RBM25: variants seen among roughly 807,000 people sequenced by gnomAD.
The protein encoded by RBM25 is RNA-binding protein 25.
RBM25 carries 19 observed loss-of-function variants against 120.7 expected under a neutral mutation model. The ratio of observed to expected loss-of-function variants is 0.16; its 90% CI spans 0.11 to 0.23. The LOEUF (loss-of-function observed/expected upper bound fraction) is 0.23, where lower values mean the gene tolerates loss of function less well. RBM25 is among the 10% of genes least tolerant of loss of function. The pLI, the probability that RBM25 is intolerant of heterozygous loss-of-function variation, is 1.00. For missense variants in RBM25, 605 were observed against 1,041.5 expected (o/e 0.58, Z 5.77); for synonymous variants, 390 against 326.7 (o/e 1.19, Z -2.09).
intron 4 of RBM25, among the ~76,000 whole-genome samples, chr14:73,082,526 A>G (rs990574360): frequency 1.3e-5 from 2 of 152,098 alleles, no homozygotes; most frequent in African/African-American, 2.4e-5. Flanking sequence ...CCTGGGCTCA[A>G]GCAATCCTTC....
chr14:73,120,583 G>A lies in RBM25; in HGVS notation c.*778G>A, dbSNP rs1195532141. The stretch of plus-strand genomic sequence containing the variant: ...GCTTCAGCTTCTCTTTTAAAGGAAT[G>A]TGGATCATAGTGATTTTTCCTTTTA... On this transcript the variant is annotated 3_prime_UTR_variant, in exon 19 of 19. Coordinates refer to ENST00000261973, the MANE Select transcript of RBM25 (RefSeq NM_021239.3). The A allele has an allele frequency of 3.3e-5, 5 of 152,292 alleles. No homozygotes were observed. Among genetic ancestry groups the A allele is most frequent in the African/African-American group, 1.2e-4 (5 of 41,442 alleles). The allele number at this position is 152,292 out of a possible 1,614,324, so 9.4% of individuals were successfully genotyped here.
At chr14:73,068,181 A>G (rs1566581269) in intron 1 of RBM25, 2 of 845,806 alleles carry the variant, frequency 2.4e-6, no homozygotes, top group South Asian at 2.6e-5. Flanking sequence ...GTCTCTTGAT[A>G]TGTGGAAAGC....
At chr14:73,114,434 G>A (rs981422796) in intron 18 of RBM25, 101 bp downstream of exon 18, 1 of 807,370 alleles carries the variant, frequency 1.2e-6, no homozygotes, top group Non-Finnish European at 1.9e-6. Context: ...GTTGCCCAGG[G>A]TAGTCTTAAA....
intron 5 of RBM25, 123 bp downstream of exon 5, chr14:73,083,674 C>T: frequency 1.7e-6 from 1 of 593,538 alleles, no homozygotes; most frequent in Non-Finnish European, 2.6e-6. Flanking sequence ...CACTCTTTGT[C>T]CTCTTTTTTA....
intron 10 of RBM25, among the ~76,000 whole-genome samples, chr14:73,105,396 C>T (rs1048508110): frequency 1.3e-5 from 2 of 152,180 alleles, no homozygotes; most frequent in African/African-American, 4.8e-5. Flanking sequence ...ATCCATGCAA[C>T]ATGTCAGAAT....
intron 9 of RBM25, chr14:73,101,235 A>G (rs1566596268): frequency 6.6e-6 from 1 of 152,276 alleles, no homozygotes; most frequent in Non-Finnish European, 1.5e-5. Context: ...TTGAAACTCC[A>G]GTAACAAAAA....
At position 73,060,918 on chromosome 14, in the gene RBM25, TAA is replaced by T. The variant is rs1283161548; in HGVS notation, c.-16+2214_-16+2215del. On this transcript the variant is annotated intron_variant, in intron 1 of 18. Coordinates refer to ENST00000261973, the MANE Select transcript of RBM25 (RefSeq NM_021239.3). Reference sequence around the variant, plus strand: ...TGATGCCCCTTAACCCATAAATACTTAAGTGTATTTTCTAAAAATTAGGACTA... The same window carrying T: ...TGATGCCCCTTAACCCATAAATACTTGTGTATTTTCTAAAAATTAGGACTA... Among the ~76,000 whole-genome samples the T allele has an allele frequency of 3.3e-5, 5 of 151,518 alleles. No homozygotes were observed. The Middle Eastern group carries it at 0.014, about 412-fold the overall frequency.
chr14:73,092,578 CT>C (rs72026442), intron 6 of RBM25, among the ~76,000 whole-genome samples: 3,131 of 136,158 alleles, frequency 0.023, 58 homozygotes, highest in African/African-American at 0.053. Context: ...ATTTTCTTGC[CT>C]TTTTTTTTTT....
intron 10 of RBM25, among the ~76,000 whole-genome samples, chr14:73,103,986 A>ACTCT (rs1566597544): frequency 6.8e-5 from 8 of 117,870 alleles, no homozygotes; most frequent in African/African-American, 2.8e-4. Context: ...ACACACACAC[A>ACTCT]CACACACACT....
chr14:73,088,624 G>T (rs1895741531), intron 6 of RBM25: 2 of 326,638 alleles, frequency 6.1e-6, no homozygotes, highest in Non-Finnish European at 1.2e-5. Flanking sequence ...TAAAATAAAG[G>T]ACATTGTTGT....
rs1209592511 is a variant in RBM25, at chr14:73,103,994, ACTCT to A, written c.1154+536_1154+539del. On this transcript the variant is annotated intron_variant, in intron 10 of 18. Transcript: ENST00000261973. The stretch of plus-strand genomic sequence containing the variant: ...CACACACACACACACACACACACAC[ACTCT>A]CTCTCTCTCTCTCTCTCTCACTATG... Among the ~76,000 whole-genome samples, 225 of 99,278 alleles carry A rather than the reference ACTCT, an allele frequency of 2.3e-3. 2 individuals carry two copies. The highest frequency in any genetic ancestry group is 3.5e-3 in the Non-Finnish European group (176 of 50,944). The allele number at this position is 99,278 out of a possible 152,430, so 65.1% of individuals were successfully genotyped here.
chr14:73,112,322 C>T (rs2140463349), intron 17 of RBM25, 72 bp downstream of exon 17: 2 of 1,361,330 alleles, frequency 1.5e-6, no homozygotes, highest in Admixed American at 2.9e-5. Context: ...CTTAAAAGAG[C>T]AGAAATTTTA....
chr14:73,109,693 C>T (rs148192731), intron 14 of RBM25, among the ~76,000 whole-genome samples: 12,948 of 151,710 alleles, frequency 0.085, 653 homozygotes, highest in Middle Eastern at 0.21. Context: ...CTCGGGAGGC[C>T]GAGGCAGGAG....
At chr14:73,090,297 C>T (rs1471842022) in intron 6 of RBM25, among the ~76,000 whole-genome samples, 8 of 151,988 alleles carry the variant, frequency 5.3e-5, no homozygotes, top group African/African-American at 1.7e-4. Context: ...GTGATCCACC[C>T]ACCTCGGCCT....
At chr14:73,079,354 C>T (rs1024169792) in intron 4 of RBM25, among the ~76,000 whole-genome samples, 2 of 150,500 alleles carry the variant, frequency 1.3e-5, no homozygotes, top group African/African-American at 2.4e-5. Context: ...ACCTGGGAGG[C>T]GGAGGTTGCA....
chr14:73,079,771 TGAG>T (rs1895515387), intron 4 of RBM25, among the ~76,000 whole-genome samples: 1 of 150,854 alleles, frequency 6.6e-6, no homozygotes, highest in African/African-American at 2.4e-5. Flanking sequence ...TTAACTGGTT[TGAG>T]GATGTTTTGG....
chr14:73,106,009 A>G lies in RBM25; in HGVS notation c.1305A>G (p.Glu435=). 6.2e-7 allele frequency: 1 copy of G among 1,613,916 alleles called. No homozygotes were observed. The highest frequency in any genetic ancestry group is 1.3e-5 in the African/African-American group (1 of 74,982). Residue 435 remains glutamate (E), a synonymous_variant, in exon 11 of 19, where the codon GAA becomes GAG. Coordinates refer to ENST00000261973, the MANE Select transcript of RBM25 (RefSeq NM_021239.3). ...REKDKKRDRE[E]DEEDAYERRK... ...AAGACAAAAAACGGGACCGAGAAGA[A>G]GATGAAGAAGATGCATACGAACGAA...
intron 18 of RBM25, among the ~76,000 whole-genome samples, chr14:73,117,556 T>C (rs189185596): frequency 3.1e-4 from 47 of 152,208 alleles, no homozygotes; most frequent in African/African-American, 1.1e-3. Flanking sequence ...ATTAAGCACT[T>C]GTTATATACC....
intron 4 of RBM25, among the ~76,000 whole-genome samples, chr14:73,080,213 C>CTTTTTTTTTTTTTTTTTT (rs766461418): frequency 1.5e-5 from 1 of 67,196 alleles, no homozygotes; most frequent in Non-Finnish European, 2.8e-5. Context: ...TCTTACACAT[C>CTTTTTTTTTTTTTTTTTT]TTTTTTTTTT....
Sources: gnomAD v4.1 joint callset for allele counts (sites outside exome capture counted in the v4.1 genomes callset) on GRCh38, gnomAD v4.1.1 for gene constraint, MANE v1.5 for transcripts, NCBI Gene and HGNC (gene_info 2026-07-23, HGNC 2026-07-21) for gene names.